Variants in ABCC4 observed in about 807,000 individuals in gnomAD.
The protein encoded by ABCC4 is ATP-binding cassette sub-family C member 4.
Under a neutral mutation model 168.5 loss-of-function variants are expected in ABCC4, and 102 were observed. The ratio of observed to expected loss-of-function variants is 0.61; its 90% CI spans 0.52 to 0.71. The LOEUF is 0.71. Among genes scored for constraint, ABCC4 ranks in the 30% least tolerant of loss-of-function variants. The probability of loss-of-function intolerance (pLI) is 0.00; values close to 1 mark genes in which losing one functional copy is unlikely to be tolerated. For missense variants in ABCC4, 1,402 were observed against 1,605.8 expected (o/e 0.87, Z 2.17); for synonymous variants, 617 against 590.7 (o/e 1.04, Z -0.65).
chr13:95,176,009 G>T (rs2037670730), intron 13 of ABCC4, among the ~76,000 whole-genome samples: 1 of 151,932 alleles, frequency 6.6e-6, no homozygotes, highest in Admixed American at 6.6e-5. Context: ...GCACACCTCT[G>T]CTTCTACTAT....
chr13:95,061,791 T>G (rs1014129515), intron 26 of ABCC4, among the ~76,000 whole-genome samples: 1 of 152,006 alleles, frequency 6.6e-6, no homozygotes, highest in Non-Finnish European at 1.5e-5. Flanking sequence ...ATGGAAGCCA[T>G]GAGGCCCCAC....
intron 19 of ABCC4, among the ~76,000 whole-genome samples, chr13:95,144,171 A>T (rs1386147026): frequency 1.3e-5 from 2 of 152,130 alleles, no homozygotes; most frequent in East Asian, 3.9e-4. Flanking sequence ...CATATGATTA[A>T]TAAGATATCC....
Position 95,021,483 on chromosome 13 carries a change from G to T in ABCC4, c.*92C>A. 1 of 796,666 alleles carries T rather than the reference G, an allele frequency of 1.3e-6. No homozygotes were observed. The highest frequency in any genetic ancestry group is 2.1e-6 in the Non-Finnish European group (1 of 485,602). 49.3% of individuals were successfully genotyped at this position (796,666 alleles called of 1,614,324 possible). On this transcript the variant is annotated 3_prime_UTR_variant, in exon 31 of 31. Transcript: ENST00000645237. ...TAGCATCTTGTATGTATAAATATTT[G>T]TTGCCAAAGTAAAAAAAAGTACAAT...
chr13:95,063,188 T>C (rs1345088538), intron 25 of ABCC4, among the ~76,000 whole-genome samples: 1 of 152,186 alleles, frequency 6.6e-6, no homozygotes, highest in African/African-American at 2.4e-5. Context: ...TGAGATCCAC[T>C]GTTCTAAAAA....
chr13:95,271,694 G>C (rs568335989), intron 1 of ABCC4, among the ~76,000 whole-genome samples: 1 of 152,290 alleles, frequency 6.6e-6, no homozygotes, highest in East Asian at 1.9e-4. Context: ...TGGTTCCTTA[G>C]CTTTATGTTC....
At chr13:95,061,688 C>A (rs1440507436) in intron 26 of ABCC4, among the ~76,000 whole-genome samples, 1 of 140,146 alleles carries the variant, frequency 7.1e-6, no homozygotes, top group African/African-American at 2.6e-5. Context: ...AAAAAACCCA[C>A]ATTAAAAGAA....
chr13:95,035,523 C>T (rs1478302944), intron 29 of ABCC4, among the ~76,000 whole-genome samples: 2 of 152,220 alleles, frequency 1.3e-5, no homozygotes, highest in Non-Finnish European at 2.9e-5. Flanking sequence ...GCCCACATGG[C>T]ACACGGGGCA....
chr13:95,242,240 T>G (rs1350666851), intron 3 of ABCC4, among the ~76,000 whole-genome samples: 1 of 151,602 alleles, frequency 6.6e-6, no homozygotes, highest in East Asian at 1.9e-4. Flanking sequence ...CATAATTTTT[T>G]TTTTTGAGAC....
intron 1 of ABCC4, among the ~76,000 whole-genome samples, chr13:95,276,414 CAAAAAAAA>C (rs60996116): frequency 3.4e-5 from 3 of 87,656 alleles, no homozygotes; most frequent in Admixed American, 2.8e-4. Flanking sequence ...GACCCATCTC[CAAAAAAAA>C]AAAAAAAAAA....
intron 1 of ABCC4, among the ~76,000 whole-genome samples, chr13:95,250,839 G>A (rs1384603211): frequency 2.9e-5 from 4 of 139,202 alleles, no homozygotes; most frequent in Non-Finnish European, 4.5e-5. Context: ...AGCGATCAGA[G>A]CTCACTCAGA....
chr13:95,209,493 TGCCATCCCA>T lies in ABCC4; in HGVS notation c.717_725del (p.Gly240_Ala242del). On this transcript the variant is annotated inframe_deletion, in exon 6 of 31. Coordinates refer to ENST00000645237, the MANE Select transcript of ABCC4 (RefSeq NM_005845.5). ...GCAAGGGCAGGAGAATGATTAGAAC[TGCCATCCCA>T]GCAAGGCACGATATTCCTATCTCCA... 2 of 1,614,198 alleles carry T rather than the reference TGCCATCCCA, an allele frequency of 1.2e-6. No homozygotes were observed. Among genetic ancestry groups the T allele is most frequent in the Non-Finnish European group, 1.7e-6 (2 of 1,180,022 alleles).
intron 26 of ABCC4, among the ~76,000 whole-genome samples, chr13:95,060,997 G>C (rs917925827): frequency 1.3e-5 from 2 of 152,124 alleles, no homozygotes; most frequent in African/African-American, 4.8e-5. Flanking sequence ...GAACCATCTA[G>C]TGTCTGTCCT....
intron 4 of ABCC4, among the ~76,000 whole-genome samples, chr13:95,217,506 C>T (rs1195058492): frequency 1.3e-5 from 2 of 151,980 alleles, no homozygotes; most frequent in African/African-American, 2.4e-5. Context: ...CCAGGGAGGG[C>T]GGATCACCTT....
intron 15 of ABCC4, among the ~76,000 whole-genome samples, chr13:95,165,819 A>G (rs2037252216): frequency 6.6e-6 from 1 of 152,302 alleles, no homozygotes; most frequent in South Asian, 2.1e-4. Context: ...TCCAGATGCA[A>G]AGAGAAGTCG....
intron 8 of ABCC4, among the ~76,000 whole-genome samples, chr13:95,198,351 GA>G (rs2038521503): frequency 6.6e-6 from 1 of 152,058 alleles, no homozygotes; most frequent in South Asian, 2.1e-4. Flanking sequence ...ACAAACATAT[GA>G]AAAAAAGCTC....
intron 20 of ABCC4, among the ~76,000 whole-genome samples, chr13:95,108,602 C>G (rs2035088560): frequency 6.6e-6 from 1 of 152,140 alleles, no homozygotes; most frequent in Non-Finnish European, 1.5e-5. Flanking sequence ...GTGAGGCCTC[C>G]CCAGCCACAT....
chr13:95,158,146 T>C (rs1036985574), intron 19 of ABCC4, among the ~76,000 whole-genome samples: 1 of 151,824 alleles, frequency 6.6e-6, no homozygotes, highest in African/African-American at 2.4e-5. Flanking sequence ...TACCTTCCCC[T>C]TCTCCCTAAA....
At chr13:95,193,601 AGACT>A (rs2038326382) in intron 9 of ABCC4, among the ~76,000 whole-genome samples, 1 of 152,228 alleles carries the variant, frequency 6.6e-6, no homozygotes, top group African/African-American at 2.4e-5. Context: ...AGACTAACAC[AGACT>A]GAGACAAGTG....
At chr13:95,082,548 G>A (rs776572311) in intron 21 of ABCC4, among the ~76,000 whole-genome samples, 15 of 152,086 alleles carry the variant, frequency 9.9e-5, no homozygotes, top group Non-Finnish European at 1.8e-4. Context: ...AACAAGCACC[G>A]CTGGTAACAA....
Sources: allele counts gnomAD v4.1 joint callset (sites outside exome capture counted in the v4.1 genomes callset), GRCh38; gene constraint gnomAD v4.1.1; transcripts MANE v1.5; gene names NCBI Gene and HGNC (gene_info 2026-07-23, HGNC 2026-07-21).